COL4A3: variants seen among roughly 807,000 people sequenced by gnomAD.
COL4A3 encodes the protein collagen alpha-3(IV) chain.
A neutral mutation model predicts 217.4 loss-of-function variants in COL4A3; 135 were observed. The observed-to-expected ratio is 0.62, with a 90% CI of 0.54 to 0.72. COL4A3 has a LOEUF of 0.72. Among genes scored for constraint, COL4A3 ranks in the 30% least tolerant of loss-of-function variants. COL4A3 has a pLI of 0.00. For synonymous variants in COL4A3, 690 were observed against 736.3 expected, an observed-to-expected ratio of 0.94 and a Z score of 1.02; for missense variants, 1,868 against 2,119.9, an observed-to-expected ratio of 0.88 and a Z score of 2.33.
In COL4A3 at chr2:227,164,893, G is replaced by C; in HGVS notation, c.87+80G>C. 5.1e-6 allele frequency: 7 copies of C among 1,383,406 alleles called. No individual in the cohort carries two copies. Among genetic ancestry groups the C allele is most frequent in the Non-Finnish European group, 6.5e-6 (7 of 1,071,158 alleles). The allele number at this position is 1,383,406 out of a possible 1,614,324, so 85.7% of individuals were successfully genotyped here. ...TCCGGGGGACGCGCTGGCCCCACCCGCAGCGGCGCGGTAGTGGAGCGGCTG... is the reference window on the plus strand; with the variant it reads ...TCCGGGGGACGCGCTGGCCCCACCCCCAGCGGCGCGGTAGTGGAGCGGCTG... On this transcript the variant is annotated intron_variant, in intron 1 of 51. Coordinates refer to ENST00000396578, the MANE Select transcript of COL4A3 (RefSeq NM_000091.5). The surrounding 1 kb of genome is among the most constrained non-coding windows in gnomAD (Gnocchi z 4.8).
At position 227,259,822 on chromosome 2, in the gene COL4A3, G is replaced by C; in HGVS notation, c.1059G>C (p.Lys353Asn). 1 of 1,613,666 alleles carries C rather than the reference G, an allele frequency of 6.2e-7. No individual in the cohort carries two copies. The highest frequency in any genetic ancestry group is 8.5e-7 in the Non-Finnish European group (1 of 1,179,572). Residue 353 changes from lysine to asparagine, a missense_variant, in exon 19 of 52, where the codon AAG becomes AAC. Coordinates refer to ENST00000396578, the MANE Select transcript of COL4A3 (RefSeq NM_000091.5). ...AATATTATGACACATACCAGGAAAAGGGAGATGAAGGCACTCCAGGCCCAC... is the reference window on the plus strand; with the variant it reads ...AATATTATGACACATACCAGGAAAACGGAGATGAAGGCACTCCAGGCCCAC... ...PTEYYDTYQE[K>N]GDEGTPGPPG...
In COL4A3 at chr2:227,253,489, T is replaced by C. The variant is rs772846733; in HGVS notation, c.688-72T>C. 6.9e-7 allele frequency: 1 copy of C among 1,455,132 alleles called. No homozygotes were observed. The highest frequency in any genetic ancestry group is 9.7e-7 in the Non-Finnish European group (1 of 1,035,040). The allele number at this position is 1,455,132 out of a possible 1,614,324, so 90.1% of individuals were successfully genotyped here. ...AAGCACTAAAGGGGAAAAGTAGACCTTTCAAACGTAGTAACATTGAAATGT... is the reference window on the plus strand; with the variant it reads ...AAGCACTAAAGGGGAAAAGTAGACCCTTCAAACGTAGTAACATTGAAATGT... On this transcript the variant is annotated intron_variant, in intron 12 of 51. Coordinates refer to ENST00000396578, the MANE Select transcript of COL4A3 (RefSeq NM_000091.5). The surrounding 1 kb of genome is among the most constrained non-coding windows in gnomAD (Gnocchi z 4.4).
Position 227,282,560 on chromosome 2 carries a change from T to A in COL4A3, c.2656+28T>A. 6.2e-7 allele frequency: 1 copy of A among 1,602,542 alleles called. No individual in the cohort carries two copies. The highest frequency in any genetic ancestry group is 8.5e-7 in the Non-Finnish European group (1 of 1,170,370). On this transcript the variant is annotated intron_variant, in intron 32 of 51. Transcript: ENST00000396578. This position sits in a 1 kb window ranked among gnomAD's most constrained non-coding sequence, Gnocchi z 4.4. ...ATCCTTTTGTGTGTTTCTATTTTTC[T>A]TCTTATTTCTTCTTCTTCTTAAGGT...
At chr2:227,199,115 T>G (rs1559815508) in intron 1 of COL4A3, among the ~76,000 whole-genome samples, 1 of 152,194 alleles carries the variant, frequency 6.6e-6, no homozygotes, top group East Asian at 1.9e-4. Flanking sequence ...AATGAAAAAA[T>G]TCAGGTTAGG....
chr2:227,247,798 G>A (rs758747455), intron 8 of COL4A3, among the ~76,000 whole-genome samples: 1 of 152,110 alleles, frequency 6.6e-6, no homozygotes, highest in African/African-American at 2.4e-5. Flanking sequence ...TACAGGTTTT[G>A]TATCACTGTT....
At chr2:227,223,229 G>A (rs1224833534) in intron 1 of COL4A3, among the ~76,000 whole-genome samples, 1 of 152,104 alleles carries the variant, frequency 6.6e-6, no homozygotes, top group Admixed American at 6.6e-5. Context: ...ATGGGATCTC[G>A]AGGGGAAAAG....
chr2:227,174,024 A>C (rs1211829218), intron 1 of COL4A3, among the ~76,000 whole-genome samples: 1 of 152,238 alleles, frequency 6.6e-6, no homozygotes, highest in Non-Finnish European at 1.5e-5. Flanking sequence ...ATTTACCATA[A>C]GAAATAAATA....
intron 43 of COL4A3, 74 bp from the exon 44 acceptor site, chr2:227,302,964 T>C (rs1322779526): frequency 5.1e-6 from 5 of 972,214 alleles, no homozygotes; most frequent in African/African-American, 4.8e-5. Context: ...CCTATTTGCA[T>C]TTTTAAAAAA....
At chr2:227,276,359 A>C (rs1178455092) in intron 26 of COL4A3, 26 bp from the exon 27 acceptor site, 1 of 1,564,434 alleles carries the variant, frequency 6.4e-7, no homozygotes, top group Non-Finnish European at 8.8e-7. Flanking sequence ...ATATACCCCA[A>C]TCTTATGACC....
intron 1 of COL4A3, among the ~76,000 whole-genome samples, chr2:227,179,318 A>G (rs993535866): frequency 1.3e-5 from 2 of 152,238 alleles, no homozygotes; most frequent in Admixed American, 6.5e-5. Flanking sequence ...TGTATTTACC[A>G]TTTAAGTAAT....
At chr2:227,223,474 C>G (rs936741066) in intron 1 of COL4A3, among the ~76,000 whole-genome samples, 1 of 152,154 alleles carries the variant, frequency 6.6e-6, no homozygotes, top group African/African-American at 2.4e-5. Context: ...TGGCTCATGC[C>G]TATAATCCCA....
chr2:227,307,490 A>C (rs950930788), intron 47 of COL4A3, among the ~76,000 whole-genome samples: 2 of 152,210 alleles, frequency 1.3e-5, no homozygotes, highest in Non-Finnish European at 2.9e-5. Context: ...ATCTCAAAAA[A>C]CGCATCAAAT....
chr2:227,297,533 A>C, intron 41 of COL4A3, 141 bp from the exon 42 acceptor site: 2 of 756,736 alleles, frequency 2.6e-6, no homozygotes. Flanking sequence ...CCAGCAATAT[A>C]TTATAAAATA....
Position 227,194,445 on chromosome 2 carries a change from A to G in COL4A3, c.87+29632A>G, listed in dbSNP as rs367944599. ...TGCAGGGAGGGAGCCAGGAAAGTAG[A>G]GGCCCTGACCTCGCTCTGCTCCTTC... On this transcript the variant is annotated intron_variant, in intron 1 of 51. Transcript: ENST00000396578. Among the ~76,000 whole-genome samples, 238 of 152,182 alleles carry G rather than the reference A, an allele frequency of 1.6e-3. 2 individuals are homozygous for G. Among genetic ancestry groups the G allele is most frequent in the African/African-American group, 5.5e-3 (228 of 41,534 alleles).
chr2:227,261,581 G>C (rs2125963974), intron 20 of COL4A3, among the ~76,000 whole-genome samples: 1 of 152,336 alleles, frequency 6.6e-6, no homozygotes, highest in Middle Eastern at 3.4e-3. Flanking sequence ...GCAATTTATA[G>C]TGGAAGAAGG....
In COL4A3 at chr2:227,276,463, C is replaced by G. The variant is rs766227789; in HGVS notation, c.2006C>G (p.Pro669Arg). The G allele has an allele frequency of 1.2e-6, 2 of 1,613,844 alleles. No homozygotes were observed. The highest frequency in any genetic ancestry group is 1.7e-6 in the Non-Finnish European group (2 of 1,179,746). The stretch of plus-strand genomic sequence containing the variant: ...CCAGGGCCCCCTGGCCATCCTGGCC[C>G]CCAAGGTCCACCTGGTAAGTATCCT... ...GPPGPPGHPG[P>R]QGPPGIPGSL... The change falls in exon 27 of 52, where the codon CCC (proline) becomes CGC (arginine). Residue 669 changes from proline (P) to arginine (R), a missense_variant. Physicochemically the swap from Pro to Arg is moderately radical, Grantham distance 103 (BLOSUM62 -2). Transcript: ENST00000396578.
chr2:227,220,180 C>CT (rs534893588), intron 1 of COL4A3, among the ~76,000 whole-genome samples: 11,690 of 82,930 alleles, frequency 0.14, 1,776 homozygotes, highest in East Asian at 0.22. Context: ...GAGACAAAGC[C>CT]TTTTTTTTTT....
At chr2:227,273,551 G>A (rs76164193) in intron 26 of COL4A3, among the ~76,000 whole-genome samples, 3,588 of 152,130 alleles carry the variant, frequency 0.024, 147 homozygotes, top group African/African-American at 0.082. Flanking sequence ...CTACAGGCAC[G>A]TGTCACCACG....
intron 9 of COL4A3, among the ~76,000 whole-genome samples, chr2:227,249,527 C>G (rs975111343): frequency 1.3e-5 from 2 of 151,734 alleles, no homozygotes; most frequent in African/African-American, 2.4e-5. Context: ...TAAGCCAACA[C>G]GCCCAGCCAA....
Sources: allele counts gnomAD v4.1 joint callset (sites outside exome capture counted in the v4.1 genomes callset), GRCh38; gene constraint gnomAD v4.1.1; non-coding constraint Gnocchi (gnomAD v3.1); transcripts MANE v1.5; gene names NCBI Gene and HGNC (gene_info 2026-07-23, HGNC 2026-07-21).